Variants in NTN1 observed in about 807,000 individuals in gnomAD.
The protein encoded by NTN1 is netrin 1, also known as netrin-1.
Under a neutral mutation model 54.2 loss-of-function variants are expected in NTN1, and 11 were observed. The observed-to-expected ratio is 0.20, with a 90% CI of 0.13 to 0.34. The LOEUF is 0.34. NTN1 is among the 10% of genes least tolerant of loss of function. The pLI, the probability that NTN1 is intolerant of heterozygous loss-of-function variation, is 1.00. For missense variants in NTN1, 740 were observed against 893.1 expected (o/e 0.83, Z 2.18); for synonymous variants, 371 against 382.0 (o/e 0.97, Z 0.33).
intron 3 of NTN1, among the ~76,000 whole-genome samples, chr17:9,166,039 CA>C (rs911571241): frequency 6.6e-6 from 1 of 151,988 alleles, no homozygotes; most frequent in African/African-American, 2.4e-5. Context: ...CACTTCCCAC[CA>C]AAAAGAGACC....
chr17:9,179,456 G>A (rs915610580), intron 3 of NTN1, among the ~76,000 whole-genome samples: 2 of 152,194 alleles, frequency 1.3e-5, no homozygotes, highest in South Asian at 2.1e-4. Flanking sequence ...TGTATCCCCC[G>A]ATCCTGACTC....
intron 2 of NTN1, among the ~76,000 whole-genome samples, chr17:9,105,494 G>A (rs2092162786): frequency 6.6e-6 from 1 of 152,186 alleles, no homozygotes; most frequent in Non-Finnish European, 1.5e-5. Flanking sequence ...TTCCTGTGGA[G>A]ACGGCTTTGT....
intron 2 of NTN1, among the ~76,000 whole-genome samples, chr17:9,056,298 C>A (rs528545694): frequency 3.3e-5 from 5 of 152,332 alleles, no homozygotes; most frequent in African/African-American, 1.2e-4. Context: ...CTCAAGTGAT[C>A]TGCCTGCCTT....
At chr17:9,189,010 A>C (rs1904378883) in intron 5 of NTN1, among the ~76,000 whole-genome samples, 1 of 152,242 alleles carries the variant, frequency 6.6e-6, no homozygotes, top group African/African-American at 2.4e-5. Flanking sequence ...ACACACCATC[A>C]GATTACTGTT....
chr17:9,145,087 A>G (rs1174788904), intron 2 of NTN1, among the ~76,000 whole-genome samples: 1 of 152,204 alleles, frequency 6.6e-6, no homozygotes, highest in Non-Finnish European at 1.5e-5. Flanking sequence ...GGCGCATGAA[A>G]TCCGAACTCT....
At chr17:9,099,532 A>T (rs2140901) in intron 2 of NTN1, among the ~76,000 whole-genome samples, 1 of 151,590 alleles carries the variant, frequency 6.6e-6, no homozygotes. Context: ...CTTCCTTCCT[A>T]CCTACCTATA....
intron 5 of NTN1, among the ~76,000 whole-genome samples, chr17:9,207,494 C>T (rs1904996381): frequency 6.6e-6 from 1 of 152,182 alleles, no homozygotes; most frequent in Admixed American, 6.5e-5. Flanking sequence ...ACGCTCACCC[C>T]CGCTTAATAA....
chr17:9,038,988 T>A (rs1425893396), intron 2 of NTN1, among the ~76,000 whole-genome samples: 1 of 152,232 alleles, frequency 6.6e-6, no homozygotes, highest in African/African-American at 2.4e-5. Context: ...TAGCCAGTTA[T>A]TCAGTGACAA....
At chr17:9,208,360 C>T (rs953230710) in intron 5 of NTN1, among the ~76,000 whole-genome samples, 2 of 152,164 alleles carry the variant, frequency 1.3e-5, no homozygotes, top group Non-Finnish European at 2.9e-5. Flanking sequence ...TTCGTTGGTC[C>T]AGGCAGCTTT....
rs139278639 is a variant in NTN1, at chr17:9,062,226, C to G, written c.1018+38835C>G. Among the ~76,000 whole-genome samples, 5 of 152,220 alleles carry G rather than the reference C, an allele frequency of 3.3e-5. No individual in the cohort carries two copies. In the East Asian group the frequency reaches 9.6e-4, roughly 29 times the overall value. On this transcript the variant is annotated intron_variant, in intron 2 of 6. Coordinates refer to ENST00000173229, the MANE Select transcript of NTN1 (RefSeq NM_004822.3). ...CAGACTTCCTTGGAATGAAGTTGTC[C>G]CAATTCCGAATGAGGGGCCACGGCC...
At chr17:9,010,371 C>T in the NTN1 span, among the ~76,000 whole-genome samples, 1 of 152,134 alleles carries the variant, frequency 6.6e-6, no homozygotes, top group Non-Finnish European at 1.5e-5. Context: ...AAGAGGTTTA[C>T]AATACCTTAA....
chr17:9,184,089 A>G (rs1402089411), intron 5 of NTN1, among the ~76,000 whole-genome samples: 1 of 152,184 alleles, frequency 6.6e-6, no homozygotes, highest in Non-Finnish European at 1.5e-5. Context: ...TGGCCCCCTG[A>G]ATATTTTAGG....
intron 5 of NTN1, among the ~76,000 whole-genome samples, chr17:9,204,193 C>CTCCT (rs377435744): frequency 0.05 from 7,334 of 147,110 alleles, 319 homozygotes; most frequent in African/African-American, 0.11. Flanking sequence ...CCTTCCTTCC[C>CTCCT]TCCTTCCTTC....
chr17:9,092,057 T>C (rs1180205181), intron 2 of NTN1, among the ~76,000 whole-genome samples: 1 of 148,906 alleles, frequency 6.7e-6, no homozygotes, highest in East Asian at 2.1e-4. Flanking sequence ...GTCCGGCTAA[T>C]TTTTGTATTT....
In NTN1 at chr17:9,139,195, G is replaced by A. The variant is rs545872242; in HGVS notation, c.1019-23618G>A. Among the ~76,000 whole-genome samples, 13 of 152,258 alleles carry A rather than the reference G, an allele frequency of 8.5e-5. No individual in the cohort carries two copies. In the East Asian group the frequency reaches 1.2e-3, roughly 14 times the overall value. ...GCCTTGAATGCTGAGCTTAGGAATCGAGACATGTCCTTTAGGCTCTGTGGA... is the reference window on the plus strand; with the variant it reads ...GCCTTGAATGCTGAGCTTAGGAATCAAGACATGTCCTTTAGGCTCTGTGGA... On this transcript the variant is annotated intron_variant, in intron 2 of 6. Coordinates refer to ENST00000173229, the MANE Select transcript of NTN1 (RefSeq NM_004822.3).
rs191270771 is a variant in NTN1 at position 9,223,325 on chromosome 17, G to A, written c.1486+2083G>A. Among the ~76,000 whole-genome samples, 642 of 152,304 alleles carry A rather than the reference G, an allele frequency of 4.2e-3. 2 individuals carry two copies. The highest frequency in any genetic ancestry group is 0.015 in the South Asian group (71 of 4,824). ...CCAGCACTTTGGGAGGCCAAGGTGG[G>A]CAGATCACCTGAGGGTGAATATTTG... On this transcript the variant is annotated intron_variant, in intron 6 of 6. Coordinates refer to ENST00000173229, the MANE Select transcript of NTN1 (RefSeq NM_004822.3).
intron 5 of NTN1, among the ~76,000 whole-genome samples, chr17:9,217,083 T>C (rs969172133): frequency 3.3e-5 from 5 of 151,588 alleles, no homozygotes; most frequent in Non-Finnish European, 7.4e-5. Context: ...ACATCTTTGC[T>C]GTACTGCTGT....
At chr17:9,112,802 G>A (rs1371134966) in intron 2 of NTN1, among the ~76,000 whole-genome samples, 1 of 125,732 alleles carries the variant, frequency 8.0e-6, no homozygotes. Context: ...CTCCAGCCTG[G>A]GTGACAGCGA....
At chr17:9,149,165 C>G (rs2092321054) in intron 2 of NTN1, among the ~76,000 whole-genome samples, 1 of 152,102 alleles carries the variant, frequency 6.6e-6, no homozygotes, top group Non-Finnish European at 1.5e-5. Flanking sequence ...GCTTGGCCGG[C>G]TTGGCTGGCA....
Sources: gnomAD v4.1 joint callset for allele counts (sites outside exome capture counted in the v4.1 genomes callset) on GRCh38, gnomAD v4.1.1 for gene constraint, MANE v1.5 for transcripts, NCBI Gene and HGNC (gene_info 2026-07-23, HGNC 2026-07-21) for gene names.